The following NID1 variants were observed in gnomAD, a reference collection of about 807,000 sequenced individuals.
The protein encoded by NID1 is nidogen-1.
A neutral mutation model predicts 130.6 loss-of-function variants in NID1; 76 were observed. The observed-to-expected ratio is 0.58, with a 90% confidence interval of 0.48 to 0.70. The LOEUF is 0.70. Among genes scored for constraint, NID1 ranks in the 30% least tolerant of loss-of-function variants. The pLI is 0.00. For missense variants in NID1, 1,517 were observed against 1,664.8 expected (o/e 0.91, Z 1.54); for synonymous variants, 665 against 675.1 (o/e 0.98, Z 0.23).
Position 236,043,044 on chromosome 1 carries a change from T to G in NID1, c.753-752A>C, listed in dbSNP as rs183151438. 6.8e-4 allele frequency among the ~76,000 whole-genome samples: 104 copies of G among 152,304 alleles called. 3 individuals are homozygous for G. In the South Asian group the frequency reaches 0.021, roughly 31 times the overall value. Reference sequence around the variant, plus strand: ...GATGGGGTTCAGAGAGCTTCTGGGTTGAACACATCAAGGTGCGGGAAGGCT... The same window carrying G: ...GATGGGGTTCAGAGAGCTTCTGGGTGGAACACATCAAGGTGCGGGAAGGCT... On this transcript the variant is annotated intron_variant, in intron 3 of 19. Coordinates refer to ENST00000264187, the MANE Select transcript of NID1 (RefSeq NM_002508.3).
intron 12 of NID1, among the ~76,000 whole-genome samples, chr1:235,996,231 C>CA (rs1657916504): frequency 2.0e-5 from 3 of 152,230 alleles, no homozygotes; most frequent in Admixed American, 2.0e-4. Flanking sequence ...AGGAATAACC[C>CA]ATAGCACCTG....
chr1:236,033,299 C>A (rs1018479124), intron 5 of NID1, among the ~76,000 whole-genome samples: 2 of 152,020 alleles, frequency 1.3e-5, no homozygotes, highest in African/African-American at 2.4e-5. Context: ...CAGAGCGAGA[C>A]TGTCTCAAAA....
intron 1 of NID1, among the ~76,000 whole-genome samples, chr1:236,063,745 C>A (rs1399892626): frequency 1.3e-5 from 2 of 152,130 alleles, no homozygotes; most frequent in African/African-American, 2.4e-5. Flanking sequence ...CAAGATCGCA[C>A]CGCTGCACCC....
chr1:235,985,464 C>T lies in NID1; in HGVS notation c.2970G>A (p.Lys990=). 1 of 1,614,158 alleles carries T rather than the reference C, an allele frequency of 6.2e-7. No homozygotes were observed. The highest frequency in any genetic ancestry group is 1.1e-5 in the South Asian group (1 of 91,084). The stretch of plus-strand genomic sequence containing the variant: ...CAGTGATGTCCGTCCAGTAAACCAT[C>T]TTGTCCACGCAGTCAAAGGCCAGTC... ...IIGLAFDCVD[K]MVYWTDITEP... The change falls in exon 15 of 20, where the codon AAG becomes AAA. Residue 990 remains lysine (K), a synonymous_variant. Coordinates refer to ENST00000264187, the MANE Select transcript of NID1 (RefSeq NM_002508.3).
chr1:236,032,731 T>C, intron 5 of NID1, 79 bp from the exon 6 acceptor site: 1 of 1,535,010 alleles, frequency 6.5e-7, no homozygotes, highest in Non-Finnish European at 8.8e-7. Flanking sequence ...GTAGGACCTG[T>C]ACCTATTGGT....
At chr1:236,013,806 G>T (rs1658503288) in intron 10 of NID1, among the ~76,000 whole-genome samples, 1 of 152,142 alleles carries the variant, frequency 6.6e-6, no homozygotes, top group African/African-American at 2.4e-5. Context: ...CACCTGGCTT[G>T]ACCTCAGTTT....
chr1:235,994,822 G>A (rs963299052), intron 12 of NID1, among the ~76,000 whole-genome samples: 2 of 151,512 alleles, frequency 1.3e-5, no homozygotes, highest in African/African-American at 2.4e-5. Context: ...CTAGGCTCCC[G>A]CATAGCTGGG....
intron 19 of NID1, among the ~76,000 whole-genome samples, chr1:235,978,557 T>G (rs982291713): frequency 6.6e-6 from 1 of 152,220 alleles, no homozygotes; most frequent in Non-Finnish European, 1.5e-5. Context: ...TTACATGAAC[T>G]AACAAATACA....
chr1:236,011,782 C>A (rs1194721384), intron 12 of NID1, 139 bp downstream of exon 12: 1 of 1,309,508 alleles, frequency 7.6e-7, no homozygotes, highest in Admixed American at 1.9e-5. Flanking sequence ...ATGGACAGGG[C>A]AACGGGCCAT....
chr1:236,053,846 T>C (rs923220991), intron 1 of NID1, among the ~76,000 whole-genome samples: 11 of 152,066 alleles, frequency 7.2e-5, no homozygotes, highest in African/African-American at 2.7e-4. Flanking sequence ...GGCCTGAGGG[T>C]GAGCTCAGTT....
At chr1:236,062,464 G>A (rs962629490) in intron 1 of NID1, among the ~76,000 whole-genome samples, 14 of 151,754 alleles carry the variant, frequency 9.2e-5, no homozygotes, top group African/African-American at 3.1e-4. Context: ...GAGAAACCCC[G>A]CCTCTACTAA....
rs756456698 is a variant in NID1 at position 236,029,641 on chromosome 1, G to A, written c.1647C>T (p.Asp549=). ...GIDEHGHLTI[D]TELEGRVPQI... is the part of the protein sequence containing the mutation. Reference sequence around the variant, plus strand: ...GCGGCACGCGGCCCTCCAGCTCCGTGTCGATGGTCAGGTGCCCATGCTCAT... The same window carrying A: ...GCGGCACGCGGCCCTCCAGCTCCGTATCGATGGTCAGGTGCCCATGCTCAT... Residue 549 remains aspartate, a synonymous_variant, in exon 7 of 20, where the codon GAC becomes GAT. Transcript: ENST00000264187. 1.9e-6 allele frequency: 3 copies of A among 1,613,036 alleles called. No homozygotes were observed. Among genetic ancestry groups the A allele is most frequent in the East Asian group, 2.2e-5 (1 of 44,868 alleles).
chr1:236,057,447 C>T (rs544398300), intron 1 of NID1, among the ~76,000 whole-genome samples: 1 of 151,760 alleles, frequency 6.6e-6, no homozygotes, highest in Non-Finnish European at 1.5e-5. Context: ...AAAACCTCCT[C>T]AGCTGGGCGT....
Position 235,979,160 on chromosome 1 carries a change from G to T in NID1, c.3510-53C>A. 2 of 1,164,690 alleles carry T rather than the reference G, an allele frequency of 1.7e-6. No homozygotes were observed. Among genetic ancestry groups the T allele is most frequent in the South Asian group, 1.2e-5 (1 of 80,798 alleles). The allele number at this position is 1,164,690 out of a possible 1,614,324, so 72.1% of individuals were successfully genotyped here. A position where few individuals can be genotyped will look rare whatever the true frequency, so the allele number is the denominator to read the frequency against. On this transcript the variant is annotated intron_variant, in intron 18 of 19. Coordinates refer to ENST00000264187, the MANE Select transcript of NID1 (RefSeq NM_002508.3). The surrounding 1 kb of genome is among the most constrained non-coding windows in gnomAD (Gnocchi z 4.6). The stretch of plus-strand genomic sequence containing the variant: ...AAAACACATCTGATGGCTTGAACTT[G>T]TATCTAAACAAGGCAGCCTCTTTGT...
intron 6 of NID1, among the ~76,000 whole-genome samples, chr1:236,030,900 TA>T (rs1194501678): frequency 6.6e-6 from 1 of 152,098 alleles, no homozygotes; most frequent in East Asian, 1.9e-4. Flanking sequence ...TAACTCATAT[TA>T]AAAAAACAAA....
chr1:236,049,076 G>T, intron 1 of NID1, 87 bp from the exon 2 acceptor site: 1 of 1,339,614 alleles, frequency 7.5e-7, no homozygotes, highest in Non-Finnish European at 1.1e-6. Flanking sequence ...AATACTGTCA[G>T]CTGTACCCAT....
At chr1:236,027,041 A>G (rs150344354) in intron 7 of NID1, among the ~76,000 whole-genome samples, 108 of 152,244 alleles carry the variant, frequency 7.1e-4, no homozygotes, top group African/African-American at 2.5e-3. Flanking sequence ...ACTTCTGGCC[A>G]ATAAATGGTG....
At chr1:236,008,118 T>A (rs1658301724) in intron 12 of NID1, among the ~76,000 whole-genome samples, 1 of 152,236 alleles carries the variant, frequency 6.6e-6, no homozygotes, top group African/African-American at 2.4e-5. Context: ...TTACTCCTAC[T>A]ACATATATTC....
chr1:236,038,089 A>G lies in NID1; in HGVS notation c.1285+15T>C. 6 of 1,587,624 alleles carry G rather than the reference A, an allele frequency of 3.8e-6. No homozygotes were observed. Among genetic ancestry groups the G allele is most frequent in the Non-Finnish European group, 5.2e-6 (6 of 1,161,246 alleles). ...TCCTTCTCCCGCATGAAACGAACAT[A>G]GAAAAGCAAATTACCTTCTGCAACA... On this transcript the variant is annotated intron_variant, in intron 5 of 19. Transcript: ENST00000264187.
Sources: allele counts gnomAD v4.1 joint callset (sites outside exome capture counted in the v4.1 genomes callset), GRCh38; gene constraint gnomAD v4.1.1; non-coding constraint Gnocchi (gnomAD v3.1); transcripts MANE v1.5; gene names NCBI Gene and HGNC (gene_info 2026-07-23, HGNC 2026-07-21).